The following SLC6A8 variants were observed in gnomAD, a reference collection of about 807,000 sequenced individuals.
The protein encoded by SLC6A8 is solute carrier family 6 member 8.
A neutral mutation model predicts 48.3 loss-of-function variants in SLC6A8; 6 were observed. That is an observed-to-expected ratio of 0.12 (90% CI 0.07 to 0.25). The LOEUF is 0.25. Among genes scored for constraint, SLC6A8 ranks in the 10% least tolerant of loss-of-function variants. SLC6A8 has a pLI of 1.00. For synonymous variants in SLC6A8, 245 were observed against 244.0 expected (o/e 1.00, Z -0.04); for missense variants, 260 against 551.5 (o/e 0.47, Z 5.29).
At chrX:153,693,833 G>A in intron 7 of SLC6A8, 72 bp from the exon 8 acceptor site, 6 of 922,713 alleles carry the variant, frequency 6.5e-6, no homozygotes, top group Non-Finnish European at 7.7e-6. Context: ...CGCGAGTGTT[G>A]CAGGCAGGGC....
rs1165255610 is a variant in SLC6A8 at position 153,690,890 on chromosome X, A to AG, written c.394+384_394+385insG. 3.4e-4 allele frequency: 56 copies of AG among 165,509 alleles called. No individual in the cohort carries two copies. In the African/African-American group the frequency reaches 4.8e-3, roughly 14 times the overall value. The allele number at this position is 165,509 out of a possible 1,213,427, so 13.6% of individuals were successfully genotyped here. Reference sequence around the variant, plus strand: ...CTCCAACACTACCTCAGGCGACTAGAAACCCCCCCCCCCCACCACCACCAT... The same window carrying AG: ...CTCCAACACTACCTCAGGCGACTAGAGAACCCCCCCCCCCCACCACCACCAT... On this transcript the variant is annotated intron_variant, in intron 2 of 12. Transcript: ENST00000253122.
rs1276576915 is a variant in SLC6A8 at position 153,693,334 on chromosome X, C to G, written c.984C>G (p.Gly328=). 8 of 1,210,945 alleles carry G rather than the reference C, an allele frequency of 6.6e-6. No homozygotes were observed. The highest frequency in any genetic ancestry group is 8.9e-6 in the Non-Finnish European group (8 of 894,550). ...AIGLGALTAL[G]SYNRFNNNCY... ...GCCTGGGGGCCCTCACAGCCCTGGG[C>G]AGCTACAACCGCTTCAACAACAACT... Residue 328 remains glycine (G), a synonymous_variant, in exon 6 of 13, where the codon GGC becomes GGG. Transcript: ENST00000253122.
Position 153,693,522 on chromosome X carries a change from C to G in SLC6A8, c.1077C>G (p.Val359=), listed in dbSNP as rs782477560. The change falls in exon 7 of 13, where the codon GTC becomes GTG. Residue 359 remains valine (V), a synonymous_variant. Coordinates refer to ENST00000253122, the MANE Select transcript of SLC6A8 (RefSeq NM_005629.4). The part of the protein sequence containing the change: ...SGTSFFAGFV[V]FSILGFMAAE... The stretch of plus-strand genomic sequence containing the variant: ...CCAGCTTCTTTGCTGGCTTCGTGGT[C>G]TTCTCCATCCTGGGCTTCATGGCTG... 1.7e-6 allele frequency: 2 copies of G among 1,210,385 alleles called. No individual in the cohort carries two copies. Among genetic ancestry groups the G allele is most frequent in the South Asian group, 3.5e-5 (2 of 56,949 alleles).
At chrX:153,693,862 A>C in intron 7 of SLC6A8, 43 bp from the exon 8 acceptor site, 1 of 1,028,993 alleles carries the variant, frequency 9.7e-7, no homozygotes. Context: ...CGCACAGGGC[A>C]GGACATCGGC....
In SLC6A8 at chrX:153,691,295, C is replaced by T. The variant is rs782540675; in HGVS notation, c.395-9C>T. ...AAGAATCTACATGGCAAGGACTTCC[C>T]GGCCCCAGGCCTGGGCTACGCCTCC... On this transcript the variant is annotated splice_polypyrimidine_tract_variant and intron_variant, in intron 2 of 12. Transcript: ENST00000253122. 1.7e-6 allele frequency: 2 copies of T among 1,187,739 alleles called. No homozygotes were observed. Among genetic ancestry groups the T allele is most frequent in the South Asian group, 1.8e-5 (1 of 54,857 alleles).
chrX:153,694,615 C>T lies in SLC6A8; in HGVS notation c.1578C>T (p.Phe526=). Residue 526 remains phenylalanine, a synonymous_variant, in exon 11 of 13, where the codon TTC becomes TTT. Transcript: ENST00000253122. ...GGATGAAATGGTGCTGGTCCTTCTT[C>T]ACCCCGCTGGTCTGCATGGTAAGGG... The part of the protein sequence containing the change: ...CPWMKWCWSF[F]TPLVCMGIFI... 1 of 1,204,054 alleles carries T rather than the reference C, an allele frequency of 8.3e-7. No homozygotes were observed. Among genetic ancestry groups the T allele is most frequent in the Non-Finnish European group, 1.1e-6 (1 of 890,024 alleles).
intron 1 of SLC6A8, among the ~76,000 whole-genome samples, chrX:153,690,075 G>A (rs782251568): frequency 2.6e-5 from 3 of 113,273 alleles, no homozygotes; most frequent in South Asian, 3.6e-4. Context: ...GTGTCTGAGC[G>A]TGTGTGTCCT....
At chrX:153,693,693 G>A (rs1426413480) in intron 7 of SLC6A8, 107 bp downstream of exon 7, 12 of 993,235 alleles carry the variant, frequency 1.2e-5, no homozygotes, top group Admixed American at 6.8e-5. Context: ...GGATTCAAAC[G>A]GAACTTGTCA....
chrX:153,694,229 G>A lies in SLC6A8; in HGVS notation c.1354G>A (p.Ala452Thr). The stretch of plus-strand genomic sequence containing the variant: ...GGAGATCTCTGTGGCCCTCTGTTGT[G>A]CCCTCTGCTTTGTCATCGATCTCTC... ...QREISVALCC[A>T]LCFVIDLSMV... Residue 452 changes from alanine to threonine, a missense_variant, in exon 9 of 13, where the codon GCC (alanine) becomes ACC (threonine). By Grantham distance (58) the Ala-to-Thr change is moderately conservative. Around this residue, in one of 7 missense-constraint regions of SLC6A8, gnomAD observed 18 missense variants for 20.2 expected, o/e 0.89. Transcript: ENST00000253122. 2.5e-6 allele frequency: 3 copies of A among 1,211,376 alleles called. No homozygotes were observed. Among genetic ancestry groups the A allele is most frequent in the South Asian group, 3.5e-5 (2 of 56,967 alleles).
At chrX:153,689,953 C>T (rs1411912488) in intron 1 of SLC6A8, among the ~76,000 whole-genome samples, 1 of 112,878 alleles carries the variant, frequency 8.9e-6, no homozygotes, top group Non-Finnish European at 1.9e-5. Context: ...CGCTCCCTGC[C>T]TTTGGATGAG....
chrX:153,693,219 G>A, intron 5 of SLC6A8, 44 bp downstream of exon 5: 1 of 1,206,513 alleles, frequency 8.3e-7, no homozygotes, highest in Non-Finnish European at 1.1e-6. Context: ...CTGCGGGGGA[G>A]CCCTGCAGGC....
chrX:153,689,372 G>A lies in SLC6A8; in HGVS notation c.262+536G>A, dbSNP rs1456767256. Reference sequence around the variant, plus strand: ...GCTTGGGAAGCCTGCGGCCTGGCCCGCCTGGCGCCGCCACTGGACACACTG... The same window carrying A: ...GCTTGGGAAGCCTGCGGCCTGGCCCACCTGGCGCCGCCACTGGACACACTG... On this transcript the variant is annotated intron_variant, in intron 1 of 12. Transcript: ENST00000253122. 122 of 126,502 alleles carry A rather than the reference G, an allele frequency of 9.6e-4. 1 individual carries two copies. The highest frequency in any genetic ancestry group is 9.7e-4 in the Non-Finnish European group (72 of 74,484). 10.4% of individuals were successfully genotyped at this position (126,502 alleles called of 1,213,427 possible). A position where few individuals can be genotyped will look rare whatever the true frequency, so the allele number is the denominator to read the frequency against.
In SLC6A8 at chrX:153,691,957, C is replaced by A. The variant is rs1557044558; in HGVS notation, c.645-18C>A. On this transcript the variant is annotated intron_variant, in intron 3 of 12. Transcript: ENST00000253122. ...CTCTGCTGGCACAGGCCTCATGGGACCTCCCTCCCTCCCCTAGGAACAAAG... is the reference window on the plus strand; with the variant it reads ...CTCTGCTGGCACAGGCCTCATGGGAACTCCCTCCCTCCCCTAGGAACAAAG... The A allele has an allele frequency of 8.5e-7, 1 of 1,176,900 alleles. No homozygotes were observed. The highest frequency in any genetic ancestry group is 1.2e-6 in the Non-Finnish European group (1 of 869,074).
rs1221260724 is a variant in SLC6A8, at chrX:153,690,583, G to A, written c.394+77G>A. On this transcript the variant is annotated intron_variant, in intron 2 of 12. Coordinates refer to ENST00000253122, the MANE Select transcript of SLC6A8 (RefSeq NM_005629.4). ...CCCACTTGAGAAATCTTTTCCTGTCGTGAGCACCAGGCCTGGGGCCACGTG... is the reference window on the plus strand; with the variant it reads ...CCCACTTGAGAAATCTTTTCCTGTCATGAGCACCAGGCCTGGGGCCACGTG... 3.0e-5 allele frequency: 32 copies of A among 1,056,571 alleles called. No homozygotes were observed. The East Asian group carries it at 5.0e-4, about 16-fold the overall frequency. 87.1% of individuals were successfully genotyped at this position (1,056,571 alleles called of 1,213,427 possible). A position where few individuals can be genotyped will look rare whatever the true frequency, so the allele number is the denominator to read the frequency against.
At chrX:153,690,938 G>C (rs1603214812) in intron 2 of SLC6A8, 2 of 276,513 alleles carry the variant, frequency 7.2e-6, no homozygotes, top group East Asian at 1.7e-4. Context: ...CTGAGGACTG[G>C]AGGCTACTGG....
chrX:153,690,323 G>A, intron 1 of SLC6A8, 52 bp from the exon 2 acceptor site: 2 of 1,168,286 alleles, frequency 1.7e-6, no homozygotes, highest in South Asian at 3.8e-5. Context: ...CGCTGGGCCT[G>A]GGCAGCCTGG....
chrX:153,694,653 G>GGGCAGGGCGGGGGGCGA lies in SLC6A8; in HGVS notation c.1596+33_1597-37dup, dbSNP rs781898922. 2 of 1,192,962 alleles carry GGGCAGGGCGGGGGGCGA rather than the reference G, an allele frequency of 1.7e-6. No homozygotes were observed. The highest frequency in any genetic ancestry group is 2.3e-6 in the Non-Finnish European group (2 of 881,105). The stretch of plus-strand genomic sequence containing the variant: ...TGCATGGTAAGGGCTGGGGGAGGTG[G>GGGCAGGGCGGGGGGCGA]GGCAGGGCGGGGGGCGAGGCAGGGC... On this transcript the variant is annotated intron_variant, in intron 11 of 12. Coordinates refer to ENST00000253122, the MANE Select transcript of SLC6A8 (RefSeq NM_005629.4).
chrX:153,695,826 C>T lies in SLC6A8; in HGVS notation c.*612C>T, dbSNP rs2091487949. 1 of 136,565 alleles carries T rather than the reference C, an allele frequency of 7.3e-6. No individual in the cohort carries two copies. Among genetic ancestry groups the T allele is most frequent in the Non-Finnish European group, 1.5e-5 (1 of 67,135 alleles). 11.3% of individuals were successfully genotyped at this position (136,565 alleles called of 1,213,427 possible). On this transcript the variant is annotated 3_prime_UTR_variant, in exon 13 of 13. Transcript: ENST00000253122. ...GTGTGAGCTTGGGTGCGAGTGCACG[C>T]GTGCGTGAGTACGGAGAGTATATAT...
In SLC6A8 at chrX:153,695,784, C is replaced by G. The variant is rs2091487542; in HGVS notation, c.*570C>G. On this transcript the variant is annotated 3_prime_UTR_variant, in exon 13 of 13. Coordinates refer to ENST00000253122, the MANE Select transcript of SLC6A8 (RefSeq NM_005629.4). ...GGAACCTTCTGGTTCCTGCGCCAAT[C>G]GCCACCAGTATCAATTGTGTGAGCT... The G allele has an allele frequency of 7.1e-6, 1 of 141,332 alleles. No homozygotes were observed. Among genetic ancestry groups the G allele is most frequent in the Admixed American group, 7.4e-5 (1 of 13,562 alleles). 11.6% of individuals were successfully genotyped at this position (141,332 alleles called of 1,213,427 possible).
Sources: allele counts gnomAD v4.1 joint callset (sites outside exome capture counted in the v4.1 genomes callset), GRCh38; gene constraint gnomAD v4.1.1; regional missense constraint gnomAD v4.1.1; transcripts MANE v1.5; gene names NCBI Gene and HGNC (gene_info 2026-07-23, HGNC 2026-07-21).